The following PTPRE variants were observed in gnomAD, a reference collection of about 807,000 sequenced individuals.
The protein encoded by PTPRE is protein tyrosine phosphatase receptor type E, also known as receptor-type tyrosine-protein phosphatase epsilon.
A neutral mutation model predicts 102.0 loss-of-function variants in PTPRE; 51 were observed. The ratio of observed to expected loss-of-function variants is 0.50; its 90% CI spans 0.40 to 0.63. The LOEUF (loss-of-function observed/expected upper bound fraction) is 0.63. Among genes scored for constraint, PTPRE ranks in the 30% least tolerant of loss-of-function variants. The probability of loss-of-function intolerance (pLI) is 0.00; values close to 1 mark genes in which losing one functional copy is unlikely to be tolerated. For synonymous variants in PTPRE, 345 were observed against 348.2 expected (o/e 0.99, Z 0.10); for missense variants, 752 against 915.1 (o/e 0.82, Z 2.30).
intron 2 of PTPRE, among the ~76,000 whole-genome samples, chr10:128,017,261 G>A (rs1845509661): frequency 6.6e-6 from 1 of 152,114 alleles, no homozygotes; most frequent in African/African-American, 2.4e-5. Context: ...AGTTTGGCGG[G>A]GCAAGTGGGG....
chr10:128,026,401 T>G (rs1344111032), intron 2 of PTPRE, among the ~76,000 whole-genome samples: 3 of 152,134 alleles, frequency 2.0e-5, no homozygotes. Flanking sequence ...GCACCTGACC[T>G]CTCCCCAGTC....
intron 1 of PTPRE, among the ~76,000 whole-genome samples, chr10:127,958,665 C>T (rs947130307): frequency 2.0e-5 from 3 of 151,648 alleles, no homozygotes; most frequent in African/African-American, 7.3e-5. Flanking sequence ...TGTTTTTTTT[C>T]TTGGAATGCC....
chr10:128,032,837 T>C lies in PTPRE; in HGVS notation c.-7-8038T>C, dbSNP rs1846886078. On this transcript the variant is annotated intron_variant, in intron 2 of 20. Coordinates refer to ENST00000254667, the MANE Select transcript of PTPRE (RefSeq NM_006504.6). Reference sequence around the variant, plus strand: ...AAACAGTCTGAACTCTCTTCTTCCATGGGCTTGGGCATTTATCATATGGTG... The same window carrying C: ...AAACAGTCTGAACTCTCTTCTTCCACGGGCTTGGGCATTTATCATATGGTG... 2.0e-5 allele frequency among the ~76,000 whole-genome samples: 3 copies of C among 152,208 alleles called. 1 individual carries two copies. The highest frequency in any genetic ancestry group is 7.2e-5 in the African/African-American group (3 of 41,460).
rs1333869757 is a variant in PTPRE at position 128,056,198 on chromosome 10, C to A, written c.496C>A (p.Pro166Thr). 1 of 1,606,464 alleles carries A rather than the reference C, an allele frequency of 6.2e-7. No individual in the cohort carries two copies. The highest frequency in any genetic ancestry group is 8.5e-7 in the Non-Finnish European group (1 of 1,173,086). Reference sequence around the variant, plus strand: ...AGAAAACAGAGAAAAAAACAGATATCCCAACATCCTTCCCAGTAAGATTTT... The same window carrying A: ...AGAAAACAGAGAAAAAAACAGATATACCAACATCCTTCCCAGTAAGATTTT... ...KEENREKNRYPNILPNDHSRV... is the reference protein window; with the variant it reads ...KEENREKNRYTNILPNDHSRV... Residue 166 changes from proline to threonine, a missense_variant, in exon 7 of 21, where the codon CCC becomes ACC. This residue lies in a region of PTPRE where 636 missense variants were observed against 824.4 expected (regional missense o/e 0.77). Coordinates refer to ENST00000254667, the MANE Select transcript of PTPRE (RefSeq NM_006504.6).
At chr10:128,049,750 C>G (rs1478579215) in intron 6 of PTPRE, 84 bp downstream of exon 6, 1 of 1,574,604 alleles carries the variant, frequency 6.4e-7, no homozygotes, top group Non-Finnish European at 8.7e-7. Context: ...TGAATTATCC[C>G]AAAGACTCAG....
intron 1 of PTPRE, among the ~76,000 whole-genome samples, chr10:127,942,004 GT>G (rs1277559495): frequency 6.6e-6 from 1 of 151,742 alleles, no homozygotes; most frequent in Admixed American, 6.6e-5. Flanking sequence ...AAATATTGAT[GT>G]TTATCTGCAG....
intron 1 of PTPRE, among the ~76,000 whole-genome samples, chr10:127,970,229 C>T (rs1019281280): frequency 4.6e-5 from 7 of 152,164 alleles, no homozygotes; most frequent in African/African-American, 1.7e-4. Context: ...TGATGAGGTC[C>T]TTAGGAGACT....
At chr10:128,003,978 T>C (rs569465088) in intron 2 of PTPRE, among the ~76,000 whole-genome samples, 33 of 149,254 alleles carry the variant, frequency 2.2e-4, no homozygotes, top group Admixed American at 9.3e-4. Context: ...AGCCATGTCA[T>C]CTACTTAGCT....
chr10:127,923,933 A>G (rs71474233), intron 1 of PTPRE, among the ~76,000 whole-genome samples: 21,969 of 152,104 alleles, frequency 0.14, 1,689 homozygotes, highest in African/African-American at 0.17. Flanking sequence ...TCTGGGTTTT[A>G]GGGAGTGATG....
intron 2 of PTPRE, among the ~76,000 whole-genome samples, 193 bp downstream of exon 2, chr10:127,982,489 C>CGTGTGTGTGT (rs59170572): frequency 1.3e-4 from 18 of 142,604 alleles, no homozygotes; most frequent in East Asian, 4.3e-4. Flanking sequence ...ACATCATTTG[C>CGTGTGTGTGT]GTGTGTGTGT....
At position 127,913,524 on chromosome 10, in the gene PTPRE, G is replaced by A. The variant is rs116638959; in HGVS notation, c.-31+6215G>A. ...CTGTACTAAGTCCTTTTATTTTGGC[G>A]TCCTCTCACTCCAGAAGGACTTGGC... On this transcript the variant is annotated intron_variant, in intron 1 of 20. Transcript: ENST00000254667. 9.7e-3 allele frequency among the ~76,000 whole-genome samples: 1,477 copies of A among 152,162 alleles called. 26 individuals carry two copies. Among genetic ancestry groups the A allele is most frequent in the African/African-American group, 0.031 (1,281 of 41,486 alleles).
intron 2 of PTPRE, among the ~76,000 whole-genome samples, chr10:127,996,452 T>G (rs1853272955): frequency 6.6e-6 from 1 of 152,248 alleles, no homozygotes; most frequent in Admixed American, 6.5e-5. Flanking sequence ...ACTGTGTACA[T>G]GCCCTGTTAA....
At chr10:127,945,844 C>T (rs1564817520) in intron 1 of PTPRE, among the ~76,000 whole-genome samples, 2 of 152,156 alleles carry the variant, frequency 1.3e-5, no homozygotes. Context: ...TTGCTAACCC[C>T]TGTGGGGTCG....
intron 1 of PTPRE, among the ~76,000 whole-genome samples, chr10:127,933,167 C>A (rs891968381): frequency 6.6e-6 from 1 of 152,196 alleles, no homozygotes; most frequent in Non-Finnish European, 1.5e-5. Flanking sequence ...TGCAAAGTCC[C>A]TTCACAACGG....
chr10:127,987,721 G>A (rs988956118), intron 2 of PTPRE, among the ~76,000 whole-genome samples: 13 of 152,196 alleles, frequency 8.5e-5, no homozygotes, highest in Non-Finnish European at 1.9e-4. Flanking sequence ...TAGAAAAACA[G>A]TCCCTAACAA....
chr10:128,043,066 G>A (rs1847835453), intron 3 of PTPRE, among the ~76,000 whole-genome samples: 1 of 152,150 alleles, frequency 6.6e-6, no homozygotes, highest in African/African-American at 2.4e-5. Context: ...CGCACATTAT[G>A]GGCAGCATTC....
chr10:127,997,790 T>C (rs1467287012), intron 2 of PTPRE, among the ~76,000 whole-genome samples: 1 of 152,236 alleles, frequency 6.6e-6, no homozygotes, highest in East Asian at 1.9e-4. Context: ...TCTCAAGTTA[T>C]TGATAATAAT....
At chr10:128,027,888 C>T (rs1344924030) in intron 2 of PTPRE, among the ~76,000 whole-genome samples, 1 of 152,104 alleles carries the variant, frequency 6.6e-6, no homozygotes, top group Non-Finnish European at 1.5e-5. Context: ...GGGCAGGTGA[C>T]AGTCCCAGGA....
At chr10:127,954,692 G>C (rs1369989097) in intron 1 of PTPRE, among the ~76,000 whole-genome samples, 1 of 152,096 alleles carries the variant, frequency 6.6e-6, no homozygotes, top group Admixed American at 6.5e-5. Flanking sequence ...GCTGAGGCAA[G>C]GTTCTTCAGA....
Sources: allele counts gnomAD v4.1 joint callset (sites outside exome capture counted in the v4.1 genomes callset), GRCh38; gene constraint gnomAD v4.1.1; regional missense constraint gnomAD v4.1.1; transcripts MANE v1.5; gene names NCBI Gene and HGNC (gene_info 2026-07-23, HGNC 2026-07-21).